ZNF804A: variants seen among roughly 807,000 people sequenced by gnomAD.
ZNF804A encodes the protein zinc finger protein 804A.
ZNF804A carries 2 observed loss-of-function variants against 16.5 expected under a neutral mutation model. That is an observed-to-expected ratio of 0.12 (90% CI 0.05 to 0.38). ZNF804A has a LOEUF of 0.38. Ranked by LOEUF, ZNF804A falls within the 10% of genes least tolerant of loss-of-function variation. ZNF804A has a pLI of 0.99. For missense variants in ZNF804A, 1,473 were observed against 1,390.7 expected, an observed-to-expected ratio of 1.06 and a Z score of -0.94; for synonymous variants, 534 against 489.6, an observed-to-expected ratio of 1.09 and a Z score of -1.20.
At chr2:184,668,814 A>T (rs1205294791) in intron 1 of ZNF804A, among the ~76,000 whole-genome samples, 1 of 152,016 alleles carries the variant, frequency 6.6e-6, no homozygotes, top group Non-Finnish European at 1.5e-5. Flanking sequence ...ATGTCTATGG[A>T]AATAATAAGT....
At chr2:184,915,664 C>A (rs1032083989) in intron 2 of ZNF804A, among the ~76,000 whole-genome samples, 3 of 152,068 alleles carry the variant, frequency 2.0e-5, no homozygotes, top group East Asian at 1.9e-4. Flanking sequence ...ACATAACATG[C>A]ACAGATTGCA....
intron 1 of ZNF804A, among the ~76,000 whole-genome samples, chr2:184,687,756 A>G (rs1371157089): frequency 6.6e-6 from 1 of 152,240 alleles, no homozygotes; most frequent in Non-Finnish European, 1.5e-5. Context: ...TAAAAATCAT[A>G]AAAATGGGAA....
chr2:184,846,813 C>T (rs902744676), intron 1 of ZNF804A, among the ~76,000 whole-genome samples: 1 of 152,018 alleles, frequency 6.6e-6, no homozygotes, highest in Non-Finnish European at 1.5e-5. Context: ...CTACTTCTTC[C>T]ATTAGAGTCC....
At chr2:184,625,680 G>A (rs1173222343) in intron 1 of ZNF804A, among the ~76,000 whole-genome samples, 2 of 151,982 alleles carry the variant, frequency 1.3e-5, no homozygotes, top group South Asian at 2.1e-4. Flanking sequence ...TTATTTTATA[G>A]TAACAGTTTA....
At chr2:184,746,086 T>G (rs1693785924) in intron 1 of ZNF804A, among the ~76,000 whole-genome samples, 1 of 151,562 alleles carries the variant, frequency 6.6e-6, no homozygotes, top group African/African-American at 2.4e-5. Context: ...TAATGTTTAC[T>G]GAAACATAAT....
chr2:184,636,096 AT>A (rs1206121639), intron 1 of ZNF804A, among the ~76,000 whole-genome samples: 1 of 152,084 alleles, frequency 6.6e-6, no homozygotes, highest in Admixed American at 6.6e-5. Flanking sequence ...ATAGCTCTTA[AT>A]TTTTTATATA....
intron 2 of ZNF804A, among the ~76,000 whole-genome samples, chr2:184,880,916 A>C (rs1684800490): frequency 6.6e-6 from 1 of 152,118 alleles, no homozygotes. Context: ...TAAAATGACA[A>C]TTAAATTTCA....
At chr2:184,800,131 C>T (rs1028626102) in intron 1 of ZNF804A, among the ~76,000 whole-genome samples, 1 of 151,876 alleles carries the variant, frequency 6.6e-6, no homozygotes. Context: ...GTGATGACCT[C>T]TCATTCACTT....
intron 1 of ZNF804A, among the ~76,000 whole-genome samples, chr2:184,627,548 A>G (rs1215049882): frequency 1.3e-5 from 2 of 152,188 alleles, no homozygotes; most frequent in East Asian, 1.9e-4. Context: ...TCTACAATGT[A>G]CTACCCACAC....
rs192779654 is a variant in ZNF804A at position 184,657,538 on chromosome 2, C to T, written c.111+58468C>T. 2.9e-3 allele frequency among the ~76,000 whole-genome samples: 441 copies of T among 152,286 alleles called. 1 individual carries two copies. Among genetic ancestry groups the T allele is most frequent in the Non-Finnish European group, 4.6e-3 (313 of 68,032 alleles). On this transcript the variant is annotated intron_variant, in intron 1 of 3. Coordinates refer to ENST00000302277, the MANE Select transcript of ZNF804A (RefSeq NM_194250.2). Reference sequence around the variant, plus strand: ...TCTGTACATCCCTTTTCCGATAACTCTATTTAGCTTTTTACAGAGCAGGAT... The same window carrying T: ...TCTGTACATCCCTTTTCCGATAACTTTATTTAGCTTTTTACAGAGCAGGAT...
At chr2:184,896,937 A>G (rs965950128) in intron 2 of ZNF804A, among the ~76,000 whole-genome samples, 6 of 152,092 alleles carry the variant, frequency 3.9e-5, no homozygotes, top group East Asian at 1.9e-4. Context: ...ATGTGTGGAT[A>G]TGATTATTAA....
chr2:184,847,355 A>G (rs1695536213), intron 1 of ZNF804A, among the ~76,000 whole-genome samples: 1 of 152,048 alleles, frequency 6.6e-6, no homozygotes, highest in Non-Finnish European at 1.5e-5. Context: ...CTTTTGATAA[A>G]ATTGTGACTT....
At chr2:184,893,144 ATATT>A (rs1294612794) in intron 2 of ZNF804A, among the ~76,000 whole-genome samples, 1 of 152,102 alleles carries the variant, frequency 6.6e-6, no homozygotes, top group East Asian at 1.9e-4. Flanking sequence ...CTACAAGTAT[ATATT>A]AAAATATTCT....
At chr2:184,886,701 G>A (rs986552818) in intron 2 of ZNF804A, among the ~76,000 whole-genome samples, 6 of 152,220 alleles carry the variant, frequency 3.9e-5, no homozygotes, top group Non-Finnish European at 7.3e-5. Flanking sequence ...CAAGGCTTGC[G>A]CTTGCACCCT....
chr2:184,836,628 A>G (rs1695349496), intron 1 of ZNF804A, among the ~76,000 whole-genome samples: 1 of 151,972 alleles, frequency 6.6e-6, no homozygotes, highest in South Asian at 2.1e-4. Flanking sequence ...ATAAACATAG[A>G]TATTATAGGT....
At chr2:184,678,027 G>A (rs1333489690) in intron 1 of ZNF804A, among the ~76,000 whole-genome samples, 1 of 151,650 alleles carries the variant, frequency 6.6e-6, no homozygotes, top group Admixed American at 6.6e-5. Context: ...CTGAAGATCT[G>A]GATATTTATT....
chr2:184,720,982 C>G (rs929859434), intron 1 of ZNF804A, among the ~76,000 whole-genome samples: 1 of 152,146 alleles, frequency 6.6e-6, no homozygotes, highest in African/African-American at 2.4e-5. Context: ...GTGCCAAGAA[C>G]ATACACTGAG....
At chr2:184,933,861 G>T (rs1331737517) in intron 3 of ZNF804A, 128 bp downstream of exon 3, 2 of 878,256 alleles carry the variant, frequency 2.3e-6, no homozygotes, top group Non-Finnish European at 3.3e-6. Flanking sequence ...TGTTTTCATG[G>T]CCTTCTGTAG....
intron 1 of ZNF804A, among the ~76,000 whole-genome samples, chr2:184,859,446 CTA>C (rs1441214626): frequency 7.2e-5 from 11 of 151,752 alleles, no homozygotes; most frequent in African/African-American, 2.7e-4. Context: ...TTCCTTTATT[CTA>C]TATATTATTG....
Sources: gnomAD v4.1 joint callset for allele counts (sites outside exome capture counted in the v4.1 genomes callset) on GRCh38, gnomAD v4.1.1 for gene constraint, MANE v1.5 for transcripts, NCBI Gene and HGNC (gene_info 2026-07-23, HGNC 2026-07-21) for gene names.